RPA1: variants seen among roughly 807,000 people sequenced by gnomAD.
RPA1 encodes the protein replication protein A 70 kDa DNA-binding subunit.
RPA1 carries 49 observed loss-of-function variants against 83.0 expected under a neutral mutation model. That is an observed-to-expected ratio of 0.59 (90% CI 0.47 to 0.75). The LOEUF is 0.75. RPA1 is among the 30% of genes least tolerant of loss of function. RPA1 has a pLI of 0.00. For synonymous variants in RPA1, 279 were observed against 281.8 expected (o/e 0.99, Z 0.10); for missense variants, 693 against 776.1 (o/e 0.89, Z 1.27).
intron 16 of RPA1, among the ~76,000 whole-genome samples, chr17:1,896,733 G>A (rs1266101426): frequency 1.3e-5 from 2 of 152,240 alleles, no homozygotes; most frequent in East Asian, 1.9e-4. Flanking sequence ...GTGTGGCTTT[G>A]TGCAAGTCAC....
intron 5 of RPA1, among the ~76,000 whole-genome samples, chr17:1,870,622 C>G (rs913914574): frequency 6.6e-6 from 1 of 152,222 alleles, no homozygotes; most frequent in African/African-American, 2.4e-5. Context: ...AAACACTACT[C>G]CATTCCCCAC....
chr17:1,873,605 C>T (rs1486899701), intron 6 of RPA1, among the ~76,000 whole-genome samples: 1 of 152,128 alleles, frequency 6.6e-6, no homozygotes, highest in Non-Finnish European at 1.5e-5. Context: ...CTACCTTGCA[C>T]GATCCGTCTA....
At chr17:1,878,972 C>T (rs1464479997) in intron 8 of RPA1, 21 bp from the exon 9 acceptor site, 1 of 1,614,042 alleles carries the variant, frequency 6.2e-7, no homozygotes, top group Admixed American at 1.7e-5. Context: ...GCAGCCCTAA[C>T]CTGCCCACGT....
intron 13 of RPA1, among the ~76,000 whole-genome samples, chr17:1,887,047 A>G (rs1038976259): frequency 3.9e-5 from 6 of 152,096 alleles, no homozygotes; most frequent in Admixed American, 3.9e-4. Flanking sequence ...GCTTAAGAGA[A>G]TGTTGTGGCT....
chr17:1,883,174 G>A (rs897180264), intron 12 of RPA1, among the ~76,000 whole-genome samples: 3 of 151,962 alleles, frequency 2.0e-5, no homozygotes, highest in Non-Finnish European at 4.4e-5. Context: ...TTTTTTTTTC[G>A]AGACGGAGTT....
At chr17:1,872,220 T>C (rs1913399156) in intron 5 of RPA1, 1 of 627,976 alleles carries the variant, frequency 1.6e-6, no homozygotes, top group Non-Finnish European at 2.8e-6. Flanking sequence ...AGGTGAAAGG[T>C]AGATGGAGCC....
At chr17:1,877,468 G>A (rs562191056) in intron 8 of RPA1, among the ~76,000 whole-genome samples, 154 bp downstream of exon 8, 7 of 152,288 alleles carry the variant, frequency 4.6e-5, no homozygotes, top group African/African-American at 9.6e-5. Flanking sequence ...TCAGCTCTGC[G>A]GGCCTATGAG....
At chr17:1,875,920 C>CTAT in intron 7 of RPA1, 127 bp downstream of exon 7, 5 of 660,034 alleles carry the variant, frequency 7.6e-6, no homozygotes, top group African/African-American at 2.0e-5. Context: ...AATGGGTTTA[C>CTAT]TCTTTTTTTT....
At chr17:1,831,177 C>A (rs967573617) in intron 1 of RPA1, among the ~76,000 whole-genome samples, 4 of 152,174 alleles carry the variant, frequency 2.6e-5, no homozygotes, top group African/African-American at 9.6e-5. Context: ...CTGCTTATTC[C>A]ATGCTTCAGA....
rs572453584 is a variant in RPA1, at chr17:1,863,007, C to T, written c.362-9427C>T. Among the ~76,000 whole-genome samples, 416 of 151,386 alleles carry T rather than the reference C, an allele frequency of 2.7e-3. 1 individual carries two copies. Among genetic ancestry groups the T allele is most frequent in the African/African-American group, 9.5e-3 (394 of 41,270 alleles). On this transcript the variant is annotated intron_variant, in intron 5 of 16. Transcript: ENST00000254719. ...TGTTGGGATTACAGGCGTGAGCCACCGTGCCCGGCCAAGATTTATTTATTT... is the reference window on the plus strand; with the variant it reads ...TGTTGGGATTACAGGCGTGAGCCACTGTGCCCGGCCAAGATTTATTTATTT...
chr17:1,886,600 T>TGA (rs1914002238), intron 13 of RPA1, among the ~76,000 whole-genome samples: 3 of 152,322 alleles, frequency 2.0e-5, no homozygotes, highest in Non-Finnish European at 4.4e-5. Flanking sequence ...CTGCAGCTTC[T>TGA]CCATCAGCAC....
In RPA1 at chr17:1,898,874, C is replaced by G. The variant is rs1443401127; in HGVS notation, c.*1699C>G. The G allele has an allele frequency of 6.6e-6, 1 of 152,628 alleles. No individual in the cohort carries two copies. The highest frequency in any genetic ancestry group is 2.4e-5 in the African/African-American group (1 of 41,470). The allele number at this position is 152,628 out of a possible 1,614,324, so 9.5% of individuals were successfully genotyped here. On this transcript the variant is annotated 3_prime_UTR_variant, in exon 17 of 17. Coordinates refer to ENST00000254719, the MANE Select transcript of RPA1 (RefSeq NM_002945.5). Reference sequence around the variant, plus strand: ...AAAGCATCGACGAGAAAATTACAGTCTTCAACCCTCTTCTGGATTGACAAA... The same window carrying G: ...AAAGCATCGACGAGAAAATTACAGTGTTCAACCCTCTTCTGGATTGACAAA...
At position 1,842,772 on chromosome 17, in the gene RPA1, A is replaced by G. The variant is rs755989931; in HGVS notation, c.34-31A>G. 1.4e-5 allele frequency: 22 copies of G among 1,593,342 alleles called. No homozygotes were observed. The South Asian group carries it at 2.0e-4, about 14-fold the overall frequency. ...CATTTTCATCATGATTTGAGTGCGT[A>G]TCTCACACAAACCTGTTTTTACTCC... On this transcript the variant is annotated intron_variant, in intron 1 of 16. Coordinates refer to ENST00000254719, the MANE Select transcript of RPA1 (RefSeq NM_002945.5).
intron 1 of RPA1, among the ~76,000 whole-genome samples, chr17:1,834,266 A>C (rs978366221): frequency 2.0e-5 from 3 of 152,196 alleles, no homozygotes; most frequent in Non-Finnish European, 4.4e-5. Context: ...TCTGTTGCCC[A>C]TGCTAGTCTC....
At chr17:1,871,759 T>TC (rs892698530) in intron 5 of RPA1, among the ~76,000 whole-genome samples, 7 of 151,832 alleles carry the variant, frequency 4.6e-5, no homozygotes, top group Middle Eastern at 3.2e-3. Context: ...CACGCTCATT[T>TC]CCCCCCCTTT....
Position 1,891,873 on chromosome 17 carries a change from G to T in RPA1, c.1592G>T (p.Cys531Phe). Residue 531 changes from cysteine (C) to phenylalanine (F), a missense_variant, in exon 15 of 17, where the codon TGT becomes TTT. Cys to Phe is a radical substitution (Grantham distance 205). Transcript: ENST00000254719. ...TTTCAAGAGAATCAGTGGGTGACTT[G>T]TTTCCAGGAGTCTGCTGAAGCTATC... ...ADFQENQWVTCFQESAEAILG... is the reference protein window; with the variant it reads ...ADFQENQWVTFFQESAEAILG... The T allele has an allele frequency of 6.2e-7, 1 of 1,607,020 alleles. No individual in the cohort carries two copies.
At chr17:1,883,141 C>G (rs1913857647) in intron 12 of RPA1, among the ~76,000 whole-genome samples, 1 of 152,104 alleles carries the variant, frequency 6.6e-6, no homozygotes, top group South Asian at 2.1e-4. Context: ...GCCAACAGAG[C>G]AAGACCCCAT....
intron 5 of RPA1, among the ~76,000 whole-genome samples, chr17:1,854,519 A>G (rs879262293): frequency 6.6e-6 from 1 of 152,098 alleles, no homozygotes; most frequent in Non-Finnish European, 1.5e-5. Context: ...TGGGTAACAC[A>G]GGAAGACCCC....
At chr17:1,857,001 G>T (rs1200814094) in intron 5 of RPA1, among the ~76,000 whole-genome samples, 2 of 151,678 alleles carry the variant, frequency 1.3e-5, no homozygotes, top group African/African-American at 4.8e-5. Context: ...TTCGGGTTTT[G>T]TATATTTTTT....
Sources: gnomAD v4.1 joint callset for allele counts (sites outside exome capture counted in the v4.1 genomes callset) on GRCh38, gnomAD v4.1.1 for gene constraint, MANE v1.5 for transcripts, NCBI Gene and HGNC (gene_info 2026-07-23, HGNC 2026-07-21) for gene names.